GATA4: variants seen among roughly 807,000 people sequenced by gnomAD.
GATA4 encodes the protein GATA binding protein 4, also known as transcription factor GATA-4.
In GATA4, 7 loss-of-function variants were observed where a neutral mutation model predicts 37.9. That is an observed-to-expected ratio of 0.18 (90% confidence interval 0.11 to 0.35). GATA4 has a LOEUF of 0.35. GATA4 is among the 10% of genes least tolerant of loss of function. The probability of loss-of-function intolerance (pLI) is 1.00; values close to 1 mark genes in which losing one functional copy is unlikely to be tolerated. For missense variants in GATA4, 647 were observed against 653.0 expected (o/e 0.99, Z 0.10); for synonymous variants, 372 against 292.6 (o/e 1.27, Z -2.77).
At chr8:11,713,171 T>A (rs1328480833) in intron 2 of GATA4, among the ~76,000 whole-genome samples, 1 of 152,194 alleles carries the variant, frequency 6.6e-6, no homozygotes, top group Non-Finnish European at 1.5e-5. Context: ...AACAGGGGCC[T>A]CTGTAAAGCC....
intron 2 of GATA4, among the ~76,000 whole-genome samples, chr8:11,742,980 C>T (rs956144750): frequency 6.6e-6 from 1 of 152,246 alleles, no homozygotes; most frequent in South Asian, 2.1e-4. Flanking sequence ...GGGCTGGGGT[C>T]TGGCCTTTTC....
At chr8:11,756,165 T>C (rs2130343927) in intron 5 of GATA4, among the ~76,000 whole-genome samples, 1 of 152,300 alleles carries the variant, frequency 6.6e-6, no homozygotes, top group African/African-American at 2.4e-5. Flanking sequence ...AATTGGCTGA[T>C]CTGACGAAAA....
At chr8:11,680,673 C>T (rs925358231) in intron 1 of GATA4, 37 of 985,152 alleles carry the variant, frequency 3.8e-5, no homozygotes, top group Non-Finnish European at 4.3e-5. Flanking sequence ...CCCTTTGCGT[C>T]AGAGACCCCC....
At chr8:11,710,369 C>T (rs1389282712) in intron 2 of GATA4, among the ~76,000 whole-genome samples, 1 of 152,082 alleles carries the variant, frequency 6.6e-6, no homozygotes, top group African/African-American at 2.4e-5. Context: ...AGCCCGCAGG[C>T]GGGAGTGCGG....
intron 2 of GATA4, 52 bp from the exon 3 acceptor site, chr8:11,748,863 TA>T: frequency 6.3e-7 from 1 of 1,593,710 alleles, no homozygotes; most frequent in Non-Finnish European, 8.6e-7. Flanking sequence ...GAGCTGGGCA[TA>T]AACAAAGAAT....
chr8:11,725,086 G>A (rs1800852722), intron 2 of GATA4, among the ~76,000 whole-genome samples: 1 of 152,160 alleles, frequency 6.6e-6, no homozygotes. Context: ...CTTCTGTGTT[G>A]TCATGGAAGG....
At chr8:11,729,568 A>C (rs1027614030) in intron 2 of GATA4, among the ~76,000 whole-genome samples, 2 of 152,050 alleles carry the variant, frequency 1.3e-5, no homozygotes, top group African/African-American at 4.8e-5. Flanking sequence ...AAAAAAAAAA[A>C]ATGCAGAAGC....
upstream of GATA4, among the ~76,000 whole-genome samples, chr8:11,702,588 C>G (rs1249299450): frequency 6.6e-6 from 1 of 150,630 alleles, no homozygotes. This position sits in a 1 kb window ranked among gnomAD's most constrained non-coding sequence, Gnocchi z 4.4. Context: ...TCCGCAGCGC[C>G]GGCCTCCGAG....
intron 5 of GATA4, among the ~76,000 whole-genome samples, chr8:11,756,177 T>G (rs1802559402): frequency 6.6e-6 from 1 of 152,030 alleles, no homozygotes; most frequent in African/African-American, 2.4e-5. Context: ...TGACGAAAAA[T>G]TTATCTTCTA....
chr8:11,680,090 T>G (rs1231947215), intron 1 of GATA4, among the ~76,000 whole-genome samples: 1 of 152,074 alleles, frequency 6.6e-6, no homozygotes. Context: ...CCGGAGAAGG[T>G]CTTCCCAAGA....
intron 2 of GATA4, among the ~76,000 whole-genome samples, chr8:11,738,909 C>T (rs1029073546): frequency 3.9e-5 from 6 of 152,174 alleles, no homozygotes; most frequent in East Asian, 1.9e-4. Context: ...TTGTCCACAG[C>T]GTGACTGGAA....
At chr8:11,697,583 G>T in intron 1 of GATA4, 1 of 985,452 alleles carries the variant, frequency 1.0e-6, no homozygotes, top group Non-Finnish European at 1.2e-6. Flanking sequence ...TCTGTCTGAA[G>T]GGGTCCTCGC....
At chr8:11,719,624 T>C (rs1186148477) in intron 2 of GATA4, among the ~76,000 whole-genome samples, 1 of 152,196 alleles carries the variant, frequency 6.6e-6, no homozygotes, top group East Asian at 1.9e-4. Context: ...ATAACCACTG[T>C]TAGGCATTAA....
chr8:11,724,790 C>T (rs575694801), intron 2 of GATA4, among the ~76,000 whole-genome samples: 1 of 152,312 alleles, frequency 6.6e-6, no homozygotes, highest in African/African-American at 2.4e-5. Flanking sequence ...AGGAGGCGAT[C>T]AGAGGCCTAA....
chr8:11,697,110 C>A (rs1025481714), intron 1 of GATA4, among the ~76,000 whole-genome samples: 3 of 152,224 alleles, frequency 2.0e-5, no homozygotes, highest in Non-Finnish European at 4.4e-5. Flanking sequence ...CATTTCACTG[C>A]GCCCCTTTGC....
intron 2 of GATA4, among the ~76,000 whole-genome samples, chr8:11,730,439 T>G (rs537865215): frequency 8.5e-5 from 13 of 152,358 alleles, no homozygotes; most frequent in African/African-American, 3.1e-4. Context: ...GGGGATGTTT[T>G]AATGATTTTA....
At chr8:11,690,178 G>A (rs1031208097), upstream of GATA4, among the ~76,000 whole-genome samples, 6 of 152,226 alleles carry the variant, frequency 3.9e-5, no homozygotes, top group African/African-American at 1.4e-4. Flanking sequence ...GAGGTGCCAC[G>A]TGGCATCTTC....
rs1800043795 is a variant in GATA4, at chr8:11,709,081, G to A, written c.616+153G>A. ...GTTTCTAGGGAAGGCAGAAGCCAGTGCGGGGCTGGCGACATCACAGCCCCA... is the reference window on the plus strand; with the variant it reads ...GTTTCTAGGGAAGGCAGAAGCCAGTACGGGGCTGGCGACATCACAGCCCCA... On this transcript the variant is annotated intron_variant, in intron 2 of 6. Coordinates refer to ENST00000532059, the MANE Select transcript of GATA4 (RefSeq NM_001308093.3). This position sits in a 1 kb window ranked among gnomAD's most constrained non-coding sequence, Gnocchi z 4.3. Among the ~76,000 whole-genome samples the A allele has an allele frequency of 6.6e-6, 1 of 152,174 alleles. No homozygotes were observed. Among genetic ancestry groups the A allele is most frequent in the Admixed American group, 6.5e-5 (1 of 15,292 alleles).
At chr8:11,743,052 C>T (rs1801835912) in intron 2 of GATA4, among the ~76,000 whole-genome samples, 1 of 152,246 alleles carries the variant, frequency 6.6e-6, no homozygotes, top group Non-Finnish European at 1.5e-5. Context: ...GTAGCACTGC[C>T]CAGCTGCCCC....
Sources: allele counts gnomAD v4.1 joint callset (sites outside exome capture counted in the v4.1 genomes callset), GRCh38; gene constraint gnomAD v4.1.1; non-coding constraint Gnocchi (gnomAD v3.1); transcripts MANE v1.5; gene names NCBI Gene and HGNC (gene_info 2026-07-23, HGNC 2026-07-21).